Variants in RPGRIP1 observed in about 807,000 individuals in gnomAD.
RPGRIP1 encodes X-linked retinitis pigmentosa GTPase regulator-interacting protein 1.
A neutral mutation model predicts 157.9 loss-of-function variants in RPGRIP1; 128 were observed. That is an observed-to-expected ratio of 0.81 (90% CI 0.70 to 0.94). The LOEUF (loss-of-function observed/expected upper bound fraction) is 0.94. RPGRIP1 is among the 40% of genes least tolerant of loss of function. The probability of loss-of-function intolerance (pLI) is 0.00; values close to 1 mark genes in which losing one functional copy is unlikely to be tolerated. For missense variants in RPGRIP1, 1,486 were observed against 1,545.8 expected (o/e 0.96, Z 0.65); for synonymous variants, 554 against 571.6 (o/e 0.97, Z 0.44).
intron 24 of RPGRIP1, among the ~76,000 whole-genome samples, chr14:21,350,011 G>T (rs1169535326): frequency 6.6e-6 from 1 of 152,102 alleles, no homozygotes; most frequent in Non-Finnish European, 1.5e-5. Context: ...CACCCCATTA[G>T]TGGATGTGAA....
intron 18 of RPGRIP1, 22 bp downstream of exon 18, chr14:21,327,829 G>A: frequency 6.5e-7 from 1 of 1,541,352 alleles, no homozygotes; most frequent in Non-Finnish European, 8.8e-7. Flanking sequence ...GGACTCCACA[G>A]GTAGCAGATC....
At chr14:21,345,319 A>T in intron 23 of RPGRIP1, 122 bp downstream of exon 23, 1 of 651,604 alleles carries the variant, frequency 1.5e-6, no homozygotes. Context: ...TTTACTCTTA[A>T]TGAATTTCCT....
chr14:21,286,114 T>A (rs1425237629), intron 1 of RPGRIP1, among the ~76,000 whole-genome samples: 1 of 152,018 alleles, frequency 6.6e-6, no homozygotes, highest in Non-Finnish European at 1.5e-5. Flanking sequence ...CTCAGCCTCC[T>A]GAGTAGCTGC....
At chr14:21,351,068 A>T in intron 24 of RPGRIP1, 36 bp from the exon 25 acceptor site, 1 of 1,224,354 alleles carries the variant, frequency 8.2e-7, no homozygotes, top group South Asian at 1.3e-5. Flanking sequence ...CAAAGTGTTC[A>T]ACTGAGTGAT....
intron 21 of RPGRIP1, among the ~76,000 whole-genome samples, chr14:21,335,033 CA>C (rs1268137169): frequency 5.6e-5 from 3 of 53,490 alleles, no homozygotes; most frequent in Non-Finnish European, 9.9e-5. Flanking sequence ...GCAACAAGAG[CA>C]AAACTCTGTC....
intron 11 of RPGRIP1, 36 bp from the exon 12 acceptor site, chr14:21,319,981 T>C: frequency 6.3e-7 from 1 of 1,577,072 alleles, no homozygotes; most frequent in Non-Finnish European, 8.6e-7. Context: ...GATAAATAAC[T>C]ACAGAATTTC....
chr14:21,332,440 C>T (rs1398154145), intron 20 of RPGRIP1, among the ~76,000 whole-genome samples: 1 of 152,098 alleles, frequency 6.6e-6, no homozygotes, highest in Admixed American at 6.6e-5. Flanking sequence ...ACATGACTGG[C>T]AAGAAATCCT....
chr14:21,330,467 G>C (rs1883630624), intron 20 of RPGRIP1, 80 bp downstream of exon 20: 1 of 1,026,320 alleles, frequency 9.7e-7, no homozygotes, highest in Non-Finnish European at 1.3e-6. Flanking sequence ...AGGCTTTCAA[G>C]AGCAGCCTGG....
Position 21,317,749 on chromosome 14 carries a change from T to C in RPGRIP1, c.1205T>C (p.Ile402Thr). 2 of 1,593,452 alleles carry C rather than the reference T, an allele frequency of 1.3e-6. No homozygotes were observed. Among genetic ancestry groups the C allele is most frequent in the Non-Finnish European group, 1.7e-6 (2 of 1,169,998 alleles). The change falls in exon 11 of 25, where the codon ATA becomes ACA. Residue 402 changes from isoleucine to threonine, a missense_variant. Physicochemically the swap from Ile to Thr is moderately conservative, Grantham distance 89 (BLOSUM62 -1). Transcript: ENST00000400017. ...SSQPHWSNELIAEQLQQQVSQ... is the reference protein window; with the variant it reads ...SSQPHWSNELTAEQLQQQVSQ... The stretch of plus-strand genomic sequence containing the variant: ...CAGCCCCACTGGAGCAACGAGCTCA[T>C]AGCGGAACAGCTACAGCAGCAAGTC...
At chr14:21,315,276 G>C (rs1881725820) in intron 10 of RPGRIP1, among the ~76,000 whole-genome samples, 1 of 152,080 alleles carries the variant, frequency 6.6e-6, no homozygotes, top group Non-Finnish European at 1.5e-5. Context: ...GGGAGGCCGA[G>C]GTGGGTGGAT....
At position 21,336,334 on chromosome 14, in the gene RPGRIP1, G is replaced by T. The variant is rs528835450; in HGVS notation, c.3339+1629G>T. On this transcript the variant is annotated intron_variant, in intron 21 of 24. Transcript: ENST00000400017. ...CAGATTGCTTGAGGCCAGGAATCAA[G>T]ACCAGCCTGAGCAACACAGCAAGAC... Among the ~76,000 whole-genome samples, 289 of 152,220 alleles carry T rather than the reference G, an allele frequency of 1.9e-3. 1 individual carries two copies. The highest frequency in any genetic ancestry group is 3.4e-3 in the Non-Finnish European group (232 of 68,004).
chr14:21,334,530 G>A, intron 20 of RPGRIP1, 75 bp from the exon 21 acceptor site: 1 of 952,774 alleles, frequency 1.0e-6, no homozygotes, highest in Non-Finnish European at 1.7e-6. Context: ...GTGGATTGGA[G>A]ATGTGTGTGC....
At chr14:21,282,837 C>A (rs1257340583) in intron 1 of RPGRIP1, among the ~76,000 whole-genome samples, 2 of 151,958 alleles carry the variant, frequency 1.3e-5, no homozygotes, top group Admixed American at 1.3e-4. Context: ...GTCTTGATCT[C>A]CTGACCTTGT....
chr14:21,325,878 C>T lies in RPGRIP1; in HGVS notation c.2415C>T (p.Ile805=). ...CTCAGAACGAGCTGTGGATTGAAATCACCAAGTGCTGTGGCCTCCGGAGTC... is the reference window on the plus strand; with the variant it reads ...CTCAGAACGAGCTGTGGATTGAAATTACCAAGTGCTGTGGCCTCCGGAGTC... ...WEPQNELWIE[I]TKCCGLRSRW... Residue 805 remains isoleucine, a synonymous_variant, in exon 17 of 25, where the codon ATC becomes ATT. Transcript: ENST00000400017. The T allele has an allele frequency of 3.1e-6, 5 of 1,613,924 alleles. No individual in the cohort carries two copies. Among genetic ancestry groups the T allele is most frequent in the Non-Finnish European group, 4.2e-6 (5 of 1,179,842 alleles).
rs578107768 is a variant in RPGRIP1 at position 21,348,310 on chromosome 14, AT to A, written c.3748+17del. 1.9e-4 allele frequency: 296 copies of A among 1,523,382 alleles called. No homozygotes were observed. Among genetic ancestry groups the A allele is most frequent in the Admixed American group, 6.9e-4 (30 of 43,278 alleles). 94.4% of individuals were successfully genotyped at this position (1,523,382 alleles called of 1,614,324 possible). On this transcript the variant is annotated intron_variant, in intron 24 of 24. Coordinates refer to ENST00000400017, the MANE Select transcript of RPGRIP1 (RefSeq NM_020366.4). ...TAGAGCAAGAGCTAGACAGTGAGTCATTTTTTTTTCAGTTCTAATTATTTCC... is the reference window on the plus strand; with the variant it reads ...TAGAGCAAGAGCTAGACAGTGAGTCATTTTTTTTCAGTTCTAATTATTTCC...
intron 3 of RPGRIP1, among the ~76,000 whole-genome samples, chr14:21,298,564 G>A (rs1391745554): frequency 6.6e-6 from 1 of 152,034 alleles, no homozygotes; most frequent in East Asian, 1.9e-4. Flanking sequence ...AGGACCAGTT[G>A]TGTCAGACCA....
chr14:21,301,182 G>A lies in RPGRIP1; in HGVS notation c.435G>A (p.Val145=). The A allele has an allele frequency of 1.3e-6, 2 of 1,595,902 alleles. No homozygotes were observed. Among genetic ancestry groups the A allele is most frequent in the Middle Eastern group, 1.7e-4 (1 of 6,040 alleles). ...GCCGCGCCCAGCCTCGCGTCCAAGT[G>A]GGACACAGACAGCTCCACACAGCCG... The part of the protein sequence containing the change: ...SPRRAQPRVQ[V]GHRQLHTAGA... The change falls in exon 4 of 25, where the codon GTG becomes GTA. Residue 145 remains valine, a synonymous_variant. Transcript: ENST00000400017.
At chr14:21,324,568 GA>G in intron 14 of RPGRIP1, 49 bp from the exon 15 acceptor site, 1 of 1,494,522 alleles carries the variant, frequency 6.7e-7, no homozygotes, top group Non-Finnish European at 9.3e-7. Context: ...TCTACCCTAA[GA>G]AAGAGCTCCC....
chr14:21,342,091 G>T (rs1885073170), intron 21 of RPGRIP1, among the ~76,000 whole-genome samples: 1 of 151,970 alleles, frequency 6.6e-6, no homozygotes, highest in Admixed American at 6.6e-5. Context: ...GGAGGGCAGG[G>T]TGGTCTGGTG....
Sources: allele counts gnomAD v4.1 joint callset (sites outside exome capture counted in the v4.1 genomes callset), GRCh38; gene constraint gnomAD v4.1.1; transcripts MANE v1.5; gene names NCBI Gene and HGNC (gene_info 2026-07-23, HGNC 2026-07-21).